Variants in RPH3A observed in about 807,000 individuals in gnomAD.
The protein encoded by RPH3A is rabphilin-3A.
In RPH3A, 48 loss-of-function variants were observed where a neutral mutation model predicts 102.2. The observed-to-expected ratio is 0.47, with a 90% CI of 0.37 to 0.60. RPH3A has a LOEUF of 0.60. Ranked by LOEUF, RPH3A falls within the 20% of genes least tolerant of loss-of-function variation. RPH3A has a pLI of 0.00. For synonymous variants in RPH3A, 310 were observed against 324.3 expected (o/e 0.96, Z 0.47); for missense variants, 781 against 910.1 (o/e 0.86, Z 1.83).
chr12:112,671,135 C>T (rs2136009411), intron 1 of RPH3A, among the ~76,000 whole-genome samples: 1 of 152,362 alleles, frequency 6.6e-6, no homozygotes. Context: ...TTGTGTCTGA[C>T]TTTGAAAAAT....
chr12:112,604,799 T>C (rs771620305), intron 1 of RPH3A, among the ~76,000 whole-genome samples: 4 of 152,182 alleles, frequency 2.6e-5, no homozygotes, highest in Non-Finnish European at 5.9e-5. Flanking sequence ...CACACTCACA[T>C]GATTGTTGGC....
chr12:112,766,971 T>C (rs1365783585), intron 1 of RPH3A, among the ~76,000 whole-genome samples: 2 of 152,112 alleles, frequency 1.3e-5, no homozygotes, highest in Non-Finnish European at 2.9e-5. Flanking sequence ...CAAGGAGGGC[T>C]ATAGGTGAAA....
intron 1 of RPH3A, among the ~76,000 whole-genome samples, chr12:112,752,968 C>CTTT (rs3037266): frequency 1.1e-4 from 13 of 118,896 alleles, no homozygotes; most frequent in African/African-American, 3.9e-4. Context: ...GTCCAGTTTT[C>CTTT]TTTTTTTTTT....
rs73198790 is a variant in RPH3A at position 112,841,288 on chromosome 12, G to A, written c.83+4786G>A. ...TGCTTCCTCTAAACTCAAGAGCCAC[G>A]GATAGTTAAGATGAGGGGGGCAGGG... On this transcript the variant is annotated intron_variant, in intron 4 of 21. Transcript: ENST00000389385. 4.7e-3 allele frequency among the ~76,000 whole-genome samples: 718 copies of A among 151,484 alleles called. 4 individuals are homozygous for A. Among genetic ancestry groups the A allele is most frequent in the Non-Finnish European group, 7.9e-3 (534 of 67,906 alleles).
At chr12:112,631,405 G>A (rs1178643489) in intron 1 of RPH3A, among the ~76,000 whole-genome samples, 3 of 152,114 alleles carry the variant, frequency 2.0e-5, no homozygotes, top group Admixed American at 6.6e-5. Context: ...TAGCTGCAAC[G>A]GAGTTTCTGT....
chr12:112,877,095 A>G (rs1186837726), intron 13 of RPH3A, among the ~76,000 whole-genome samples: 1 of 152,166 alleles, frequency 6.6e-6, no homozygotes, highest in Admixed American at 6.5e-5. Flanking sequence ...GTGGTAAAAT[A>G]CAAATAACAT....
At chr12:112,814,737 G>A (rs966048219) in intron 2 of RPH3A, among the ~76,000 whole-genome samples, 1 of 152,136 alleles carries the variant, frequency 6.6e-6, no homozygotes, top group Non-Finnish European at 1.5e-5. Context: ...TAACTTCAGA[G>A]CCCACCTCAC....
chr12:112,618,018 C>T (rs2135978447), intron 1 of RPH3A, among the ~76,000 whole-genome samples: 1 of 152,302 alleles, frequency 6.6e-6, no homozygotes, highest in Admixed American at 6.5e-5. Context: ...GTACTTTCTA[C>T]ATTTATGTAT....
intron 15 of RPH3A, among the ~76,000 whole-genome samples, chr12:112,882,416 T>C (rs2042930892): frequency 1.3e-5 from 2 of 152,140 alleles, no homozygotes; most frequent in Non-Finnish European, 2.9e-5. Flanking sequence ...CTGGTTTTTG[T>C]TTTGTGCTTT....
At chr12:112,809,444 C>T (rs1236551218) in intron 2 of RPH3A, among the ~76,000 whole-genome samples, 2 of 152,028 alleles carry the variant, frequency 1.3e-5, no homozygotes, top group Admixed American at 6.6e-5. Flanking sequence ...GAGAGGTTGA[C>T]ATGAAGCACT....
chr12:112,719,628 A>G (rs1189663189), intron 1 of RPH3A, among the ~76,000 whole-genome samples: 1 of 152,118 alleles, frequency 6.6e-6, no homozygotes, highest in African/African-American at 2.4e-5. Context: ...TAGACATTCA[A>G]TAAAGGTTTG....
At chr12:112,661,397 A>T (rs1263405374) in intron 1 of RPH3A, among the ~76,000 whole-genome samples, 1 of 152,174 alleles carries the variant, frequency 6.6e-6, no homozygotes, top group African/African-American at 2.4e-5. Flanking sequence ...GACAAGGGGG[A>T]TAACTACAGC....
intron 19 of RPH3A, 66 bp downstream of exon 19, chr12:112,891,069 C>A (rs1036699625): frequency 1.9e-6 from 3 of 1,569,840 alleles, no homozygotes; most frequent in Non-Finnish European, 2.6e-6. Context: ...AAAAGGAGAA[C>A]CAGACAGTTT....
intron 1 of RPH3A, among the ~76,000 whole-genome samples, chr12:112,653,937 A>G (rs2039993630): frequency 6.6e-6 from 1 of 152,208 alleles, no homozygotes; most frequent in African/African-American, 2.4e-5. Context: ...ACACAAGCAC[A>G]CACATTAGCC....
Position 112,791,901 on chromosome 12 carries a change from A to AGAGAGAGAGAGAGAGAGAGAGAGACT in RPH3A, c.-247_-246insGAGAGAGAGAGAGAGAGAGACTGAGA, listed in dbSNP as rs1565882471. ...GAGAGAGAGAGAGAGAGAGAGAGAG[A>AGAGAGAGAGAGAGAGAGAGAGAGACT]GAGACTCACAGAGCTAAAACCTTCA... On this transcript the variant is annotated 5_prime_UTR_variant, in exon 1 of 22. Transcript: ENST00000389385. 4 of 151,044 alleles carry AGAGAGAGAGAGAGAGAGAGAGAGACT rather than the reference A, an allele frequency of 2.6e-5. No homozygotes were observed. Among genetic ancestry groups the AGAGAGAGAGAGAGAGAGAGAGAGACT allele is most frequent in the African/African-American group, 9.8e-5 (4 of 40,776 alleles). 9.4% of individuals were successfully genotyped at this position (151,044 alleles called of 1,614,324 possible). A position where few individuals can be genotyped will look rare whatever the true frequency, so the allele number is the denominator to read the frequency against.
upstream of RPH3A, among the ~76,000 whole-genome samples, chr12:112,789,887 CAAAAAAA>C (rs144494791): frequency 4.0e-4 from 28 of 70,790 alleles, no homozygotes; most frequent in African/African-American, 7.3e-4. Context: ...CCCATCTCTG[CAAAAAAA>C]AAAAAAAAAA....
upstream of RPH3A, among the ~76,000 whole-genome samples, chr12:112,787,380 T>A (rs552492940): frequency 1.1e-3 from 166 of 152,310 alleles, no homozygotes; most frequent in Admixed American, 2.0e-3. Flanking sequence ...AGATAAACTG[T>A]TCAGATTCAC....
At chr12:112,797,723 TC>T (rs2041260835) in intron 2 of RPH3A, among the ~76,000 whole-genome samples, 1 of 151,708 alleles carries the variant, frequency 6.6e-6, no homozygotes, top group African/African-American at 2.4e-5. Flanking sequence ...AGGATCTTGC[TC>T]TGTCACCCAG....
chr12:112,699,612 T>C (rs2040378275), intron 1 of RPH3A, among the ~76,000 whole-genome samples: 1 of 152,160 alleles, frequency 6.6e-6, no homozygotes, highest in Non-Finnish European at 1.5e-5. Flanking sequence ...AGTGGTTGCC[T>C]GGGGGTGGGT....
Sources: gnomAD v4.1 joint callset for allele counts (sites outside exome capture counted in the v4.1 genomes callset) on GRCh38, gnomAD v4.1.1 for gene constraint, MANE v1.5 for transcripts, NCBI Gene and HGNC (gene_info 2026-07-23, HGNC 2026-07-21) for gene names.